The following ADAMTSL1 variants were observed in gnomAD, a reference collection of about 807,000 sequenced individuals.
ADAMTSL1 encodes the protein ADAMTS like 1.
In ADAMTSL1, 126 loss-of-function variants were observed where a neutral mutation model predicts 201.8. That is an observed-to-expected ratio of 0.62 (90% CI 0.54 to 0.72). ADAMTSL1 has a LOEUF of 0.72. Ranked by LOEUF, ADAMTSL1 falls within the 30% of genes least tolerant of loss-of-function variation. The pLI, the probability that ADAMTSL1 is intolerant of heterozygous loss-of-function variation, is 0.00. For missense variants in ADAMTSL1, 2,679 were observed against 2,277.8 expected, an observed-to-expected ratio of 1.18 and a Z score of -3.59; for synonymous variants, 1,121 against 903.4, an observed-to-expected ratio of 1.24 and a Z score of -4.32.
chr9:18,184,010 T>A (rs1828618616), intron 2 of ADAMTSL1, among the ~76,000 whole-genome samples: 1 of 152,232 alleles, frequency 6.6e-6, no homozygotes, highest in African/African-American at 2.4e-5. Context: ...AAACTCACCC[T>A]GTTGTCTTAT....
At chr9:18,472,971 A>C (rs1447437779), upstream of ADAMTSL1, among the ~76,000 whole-genome samples, 1 of 152,130 alleles carries the variant, frequency 6.6e-6, no homozygotes. Context: ...GTAGAGTCAA[A>C]TCTCCCTTGC....
chr9:18,187,270 A>T (rs989544481), intron 2 of ADAMTSL1, among the ~76,000 whole-genome samples: 2 of 152,138 alleles, frequency 1.3e-5, no homozygotes, highest in Admixed American at 6.6e-5. Flanking sequence ...ATGATGGTGA[A>T]AACACAATGT....
At chr9:18,287,624 C>T (rs55672840) in intron 2 of ADAMTSL1, among the ~76,000 whole-genome samples, 108,118 of 148,058 alleles carry the variant, frequency 0.73, 39,386 homozygotes, top group South Asian at 0.8. Flanking sequence ...TATGTGTATA[C>T]ATATACGCAT....
intron 2 of ADAMTSL1, among the ~76,000 whole-genome samples, chr9:18,260,169 T>A (rs2132530022): frequency 6.6e-6 from 1 of 152,334 alleles, no homozygotes; most frequent in Middle Eastern, 3.4e-3. Flanking sequence ...TGGCATTGCG[T>A]AGATACCACC....
At chr9:18,573,604 A>T (rs1390303542) in intron 3 of ADAMTSL1, among the ~76,000 whole-genome samples, 2 of 152,208 alleles carry the variant, frequency 1.3e-5, no homozygotes, top group Non-Finnish European at 2.9e-5. Flanking sequence ...ATTCAAATAA[A>T]CAATTGTCAT....
At chr9:18,381,223 C>A (rs1036360134) in intron 2 of ADAMTSL1, among the ~76,000 whole-genome samples, 8 of 152,184 alleles carry the variant, frequency 5.3e-5, no homozygotes, top group African/African-American at 1.9e-4. Context: ...GTTTTCCATT[C>A]ATCTTTTCCC....
chr9:18,136,194 G>T (rs10963471), intron 1 of ADAMTSL1, among the ~76,000 whole-genome samples: 21,512 of 152,144 alleles, frequency 0.14, 1,765 homozygotes, highest in East Asian at 0.21. Context: ...AATCATTTGG[G>T]AAGCTTATTA....
chr9:18,270,012 C>T (rs1463303945), intron 2 of ADAMTSL1, among the ~76,000 whole-genome samples: 1 of 151,982 alleles, frequency 6.6e-6, no homozygotes, highest in Non-Finnish European at 1.5e-5. Context: ...AGACTCCTTC[C>T]CATAATAGGC....
chr9:18,756,699 CCT>C (rs1400323637), intron 16 of ADAMTSL1, among the ~76,000 whole-genome samples: 6 of 152,184 alleles, frequency 3.9e-5, no homozygotes, highest in Non-Finnish European at 8.8e-5. Context: ...CAACCTACAG[CCT>C]CTTTCTTACA....
At chr9:18,460,441 TG>T (rs1587278558) in intron 2 of ADAMTSL1, among the ~76,000 whole-genome samples, 1 of 152,098 alleles carries the variant, frequency 6.6e-6, no homozygotes, top group East Asian at 1.9e-4. Context: ...TCCTCTTTAG[TG>T]GTAAAAGTAG....
At chr9:18,035,888 A>C (rs957773947) in intron 1 of ADAMTSL1, among the ~76,000 whole-genome samples, 1 of 152,318 alleles carries the variant, frequency 6.6e-6, no homozygotes, top group East Asian at 1.9e-4. Context: ...AATTTTTGTC[A>C]TGCCCTATAT....
At chr9:18,008,560 G>A (rs1304055066) in intron 1 of ADAMTSL1, among the ~76,000 whole-genome samples, 3 of 151,896 alleles carry the variant, frequency 2.0e-5, no homozygotes, top group East Asian at 3.9e-4. Context: ...TACTCATGCA[G>A]AAGGAGCCAC....
intron 2 of ADAMTSL1, among the ~76,000 whole-genome samples, chr9:18,357,204 G>A (rs1374726758): frequency 2.6e-5 from 4 of 151,966 alleles, no homozygotes; most frequent in Non-Finnish European, 5.9e-5. Flanking sequence ...AACCTCCTCT[G>A]GAGGCTCTTG....
chr9:18,550,813 C>T (rs765878074), intron 3 of ADAMTSL1, among the ~76,000 whole-genome samples: 1 of 151,750 alleles, frequency 6.6e-6, no homozygotes, highest in Non-Finnish European at 1.5e-5. Flanking sequence ...CTGACCATAA[C>T]TTTGGTGGGT....
chr9:18,823,888 G>T lies in ADAMTSL1; in HGVS notation c.3935-2396G>T, dbSNP rs142719493. On this transcript the variant is annotated intron_variant, in intron 21 of 28. Transcript: ENST00000380548. ...CCTGTAATTCCAGCTAACTTGGGAGGCTGAGACAGGAGAATCGCTGGAACC... is the reference window on the plus strand; with the variant it reads ...CCTGTAATTCCAGCTAACTTGGGAGTCTGAGACAGGAGAATCGCTGGAACC... Among the ~76,000 whole-genome samples, 537 of 152,228 alleles carry T rather than the reference G, an allele frequency of 3.5e-3. 6 individuals carry two copies. The highest frequency in any genetic ancestry group is 0.012 in the African/African-American group (499 of 41,540).
intron 1 of ADAMTSL1, among the ~76,000 whole-genome samples, chr9:18,117,037 C>T (rs79019927): frequency 0.017 from 2,534 of 152,220 alleles, 78 homozygotes; most frequent in African/African-American, 0.058. Flanking sequence ...TCTCATACAC[C>T]TCATCCAGTT....
chr9:18,659,594 C>T (rs1828932861), intron 8 of ADAMTSL1, among the ~76,000 whole-genome samples: 1 of 152,012 alleles, frequency 6.6e-6, no homozygotes, highest in South Asian at 2.1e-4. Flanking sequence ...GTGAAATCCC[C>T]TGTCTCTACT....
intron 11 of ADAMTSL1, 23 bp downstream of exon 11, chr9:18,680,539 T>C: frequency 6.2e-7 from 1 of 1,612,150 alleles, no homozygotes; most frequent in Non-Finnish European, 8.5e-7. Flanking sequence ...TCTTTCTTTG[T>C]TCATTAGGAG....
intron 2 of ADAMTSL1, among the ~76,000 whole-genome samples, chr9:18,182,964 A>G (rs1053865798): frequency 1.3e-5 from 2 of 152,196 alleles, no homozygotes; most frequent in Non-Finnish European, 2.9e-5. Flanking sequence ...TGTAATGATC[A>G]TATAGCTAGT....
Sources: gnomAD v4.1 joint callset for allele counts (sites outside exome capture counted in the v4.1 genomes callset) on GRCh38, gnomAD v4.1.1 for gene constraint, MANE v1.5 for transcripts, NCBI Gene and HGNC (gene_info 2026-07-23, HGNC 2026-07-21) for gene names.